FRMPD3: variants seen among roughly 807,000 people sequenced by gnomAD.
FRMPD3 encodes FERM and PDZ domain-containing protein 3.
A neutral mutation model predicts 97.9 loss-of-function variants in FRMPD3; 42 were observed. The observed-to-expected ratio is 0.43, with a 90% confidence interval of 0.34 to 0.55. The LOEUF (loss-of-function observed/expected upper bound fraction) is 0.55. FRMPD3 is among the 20% of genes least tolerant of loss of function. The pLI is 0.03. For missense variants in FRMPD3, 1,303 were observed against 1,457.7 expected (o/e 0.89, Z 1.73); for synonymous variants, 577 against 581.1 (o/e 0.99, Z 0.10).
At chrX:107,576,538 G>C in intron 13 of FRMPD3, 79 bp downstream of exon 13, 3 of 1,063,125 alleles carry the variant, frequency 2.8e-6, no homozygotes, top group Non-Finnish European at 2.6e-6. Context: ...GAGCTTCTCT[G>C]CCTTAGTGCT....
At chrX:107,486,858 GA>G (rs970454365) in intron 1 of FRMPD3, among the ~76,000 whole-genome samples, 38 of 106,614 alleles carry the variant, frequency 3.6e-4, no homozygotes, top group South Asian at 1.2e-3. Context: ...CTCAGTCTTT[GA>G]AAAAAAAAAG....
intron 12 of FRMPD3, among the ~76,000 whole-genome samples, chrX:107,572,908 CTAATAATAA>C (rs374047113): frequency 9.9e-6 from 1 of 101,001 alleles, no homozygotes; most frequent in Non-Finnish European, 2.0e-5. Flanking sequence ...ACTACTACTA[CTAATAATAA>C]TAATAATAAT....
intron 1 of FRMPD3, among the ~76,000 whole-genome samples, chrX:107,479,134 G>A (rs948423856): frequency 2.7e-5 from 3 of 112,185 alleles, no homozygotes; most frequent in African/African-American, 9.7e-5. Flanking sequence ...ACAGTGCTGG[G>A]ATTTGTATGG....
At chrX:107,494,719 A>G (rs940380766) in intron 1 of FRMPD3, among the ~76,000 whole-genome samples, 3 of 111,989 alleles carry the variant, frequency 2.7e-5, no homozygotes, top group Non-Finnish European at 5.6e-5. Flanking sequence ...AGACAAGGAA[A>G]TTGAGGCTCA....
intron 1 of FRMPD3, among the ~76,000 whole-genome samples, chrX:107,485,425 C>T (rs1216924059): frequency 2.7e-5 from 3 of 112,667 alleles, no homozygotes; most frequent in African/African-American, 3.2e-5. Flanking sequence ...GAGAAGGATC[C>T]TGGACCAAAT....
chrX:107,484,143 GC>G (rs1274884339), intron 1 of FRMPD3, among the ~76,000 whole-genome samples: 4 of 112,126 alleles, frequency 3.6e-5, no homozygotes, highest in Non-Finnish European at 7.5e-5. Context: ...GAAGCCCACT[GC>G]CCCCACTTTC....
At chrX:107,490,106 A>G (rs893350054) in intron 1 of FRMPD3, among the ~76,000 whole-genome samples, 3 of 112,157 alleles carry the variant, frequency 2.7e-5, no homozygotes, top group Non-Finnish European at 5.6e-5. Flanking sequence ...TCCTTTCCCC[A>G]TTTCTTGTTT....
At chrX:107,454,576 C>T (rs984566022) in intron 1 of FRMPD3, among the ~76,000 whole-genome samples, 2 of 111,663 alleles carry the variant, frequency 1.8e-5, no homozygotes, top group African/African-American at 6.5e-5. Flanking sequence ...CCTGCCACCA[C>T]CTCACAGCCA....
intron 1 of FRMPD3, among the ~76,000 whole-genome samples, chrX:107,466,973 ATTGAGACAGGTTGGAGG>A (rs1931576260): frequency 9.2e-6 from 1 of 109,268 alleles, no homozygotes; most frequent in Admixed American, 9.6e-5. Flanking sequence ...ATCTGTTGAA[ATTGAGACAGGTTGGAGG>A]TGTGTGTGTG....
At chrX:107,542,147 A>G (rs1006541410) in intron 4 of FRMPD3, among the ~76,000 whole-genome samples, 5 of 112,493 alleles carry the variant, frequency 4.4e-5, no homozygotes, top group African/African-American at 1.3e-4. Context: ...ATAGCTACAG[A>G]TCTTTCTATC....
intron 4 of FRMPD3, among the ~76,000 whole-genome samples, chrX:107,543,339 C>A (rs1415906708): frequency 3.6e-5 from 4 of 111,447 alleles, no homozygotes; most frequent in Non-Finnish European, 5.7e-5. Context: ...TCACGCCACT[C>A]CAGCCACCTT....
At chrX:107,544,806 AG>A (rs1400413842) in intron 4 of FRMPD3, 1 of 111,643 alleles carries the variant, frequency 9.0e-6, no homozygotes, top group Admixed American at 9.5e-5. Context: ...CTAAAAAGCC[AG>A]CCAGGCATGG....
intron 1 of FRMPD3, among the ~76,000 whole-genome samples, chrX:107,524,612 A>G (rs1922620572): frequency 8.9e-6 from 1 of 112,560 alleles, no homozygotes; most frequent in South Asian, 3.7e-4. Flanking sequence ...GCTTCTCTCT[A>G]TTACTGAAAC....
At chrX:107,563,823 C>T (rs1024641320) in intron 11 of FRMPD3, among the ~76,000 whole-genome samples, 11 of 112,038 alleles carry the variant, frequency 9.8e-5, no homozygotes, top group African/African-American at 2.9e-4. Flanking sequence ...TTTCCTGAGT[C>T]CTTCTACTTC....
rs995387705 is a variant in FRMPD3, at chrX:107,449,952, C to CGGA, written c.-39_-37dup. ...CGCCGCTGCCGCGCCGCTGAGGAGG[C>CGGA]GGAGGAGGAGGAGGAGGAGGAGGAA... On this transcript the variant is annotated 5_prime_UTR_variant, in exon 1 of 15. Transcript: ENST00000683843. 3.3e-4 allele frequency among the ~76,000 whole-genome samples: 36 copies of CGGA among 108,792 alleles called. No homozygotes were observed. Among genetic ancestry groups the CGGA allele is most frequent in the East Asian group, 1.2e-3 (4 of 3,447 alleles). The allele number at this position is 108,792 out of a possible 115,157, so 94.5% of individuals were successfully genotyped here. A position where few individuals can be genotyped will look rare whatever the true frequency, so the allele number is the denominator to read the frequency against.
chrX:107,553,349 A>G (rs1018044175), intron 7 of FRMPD3, among the ~76,000 whole-genome samples: 1 of 106,432 alleles, frequency 9.4e-6, no homozygotes, highest in African/African-American at 3.4e-5. Flanking sequence ...TCCTAGGACA[A>G]GTGGGAGTTG....
At chrX:107,483,229 A>G (rs1921420034) in intron 1 of FRMPD3, among the ~76,000 whole-genome samples, 1 of 112,559 alleles carries the variant, frequency 8.9e-6, no homozygotes, top group Non-Finnish European at 1.9e-5. Flanking sequence ...TCCCCAAACC[A>G]TGTTCCCTGG....
chrX:107,595,705 G>A (rs1924134808), intron 13 of FRMPD3, among the ~76,000 whole-genome samples: 1 of 110,788 alleles, frequency 9.0e-6, no homozygotes, highest in African/African-American at 3.3e-5. Flanking sequence ...GGGAGGCCAG[G>A]GCAGGTGGAT....
chrX:107,541,362 A>G (rs1921292955), intron 4 of FRMPD3, among the ~76,000 whole-genome samples: 1 of 112,410 alleles, frequency 8.9e-6, no homozygotes, highest in Admixed American at 9.4e-5. Flanking sequence ...ATGTGACTCC[A>G]TGACATCTAG....
Sources: gnomAD v4.1 joint callset for allele counts (sites outside exome capture counted in the v4.1 genomes callset) on GRCh38, gnomAD v4.1.1 for gene constraint, MANE v1.5 for transcripts, NCBI Gene and HGNC (gene_info 2026-07-23, HGNC 2026-07-21) for gene names.